The following CTBP1 variants were observed in gnomAD, a reference collection of about 807,000 sequenced individuals.
CTBP1 encodes the protein C-terminal-binding protein 1.
A neutral mutation model predicts 42.1 loss-of-function variants in CTBP1; 11 were observed. That is an observed-to-expected ratio of 0.26 (90% CI 0.16 to 0.43). The LOEUF is 0.43. CTBP1 is among the 20% of genes least tolerant of loss of function. The probability of loss-of-function intolerance (pLI) is 1.00; values close to 1 mark genes in which losing one functional copy is unlikely to be tolerated. For missense variants in CTBP1, 399 were observed against 624.3 expected, an observed-to-expected ratio of 0.64 and a Z score of 3.85; for synonymous variants, 324 against 277.1, an observed-to-expected ratio of 1.17 and a Z score of -1.68.
intron 1 of CTBP1, among the ~76,000 whole-genome samples, chr4:1,247,540 A>AC (rs1732844587): frequency 6.6e-6 from 1 of 151,652 alleles, no homozygotes; most frequent in Admixed American, 6.6e-5. Context: ...AGAAAGGGGG[A>AC]CCCCCAAACC....
intron 1 of CTBP1, among the ~76,000 whole-genome samples, chr4:1,248,493 C>T (rs1038083107): frequency 4.6e-5 from 7 of 150,720 alleles, no homozygotes. Flanking sequence ...GCGCACGGCT[C>T]CCGCCCCATC....
intron 4 of CTBP1, among the ~76,000 whole-genome samples, chr4:1,227,171 T>C (rs1302029788): frequency 5.9e-5 from 9 of 152,060 alleles, no homozygotes; most frequent in Admixed American, 1.3e-4. Context: ...TGCGTGTAGG[T>C]GCACGGGTGC....
upstream of CTBP1, chr4:1,250,205 C>G (rs1008253380): frequency 5.2e-6 from 1 of 193,794 alleles, no homozygotes; most frequent in Non-Finnish European, 1.1e-5. Context: ...CCTGGGCTGC[C>G]CTGAGAAGCC....
intron 4 of CTBP1, among the ~76,000 whole-genome samples, chr4:1,226,139 C>T (rs1202042594): frequency 6.6e-6 from 1 of 152,166 alleles, no homozygotes; most frequent in Non-Finnish European, 1.5e-5. Flanking sequence ...CCCATTTCTC[C>T]CGAGTGGCCA....
chr4:1,220,342 C>A (rs1729602232), intron 5 of CTBP1, among the ~76,000 whole-genome samples: 2 of 150,864 alleles, frequency 1.3e-5, no homozygotes, highest in Admixed American at 6.6e-5. Context: ...ATTACAAATG[C>A]CAAATGCCTA....
chr4:1,242,926 T>G (rs1732326433), intron 1 of CTBP1: 1 of 984,922 alleles, frequency 1.0e-6, no homozygotes, highest in South Asian at 4.7e-5. Context: ...CCGATACTCA[T>G]CAACGCCAGC....
chr4:1,215,023 C>T (rs978178419), intron 6 of CTBP1, among the ~76,000 whole-genome samples: 1 of 152,154 alleles, frequency 6.6e-6, no homozygotes, highest in African/African-American at 2.4e-5. Context: ...TTTCCTGCAG[C>T]CCCCCCATTT....
At chr4:1,214,619 G>C (rs1184401334) in intron 6 of CTBP1, 146 bp from the exon 7 acceptor site, 1 of 1,066,680 alleles carries the variant, frequency 9.4e-7, no homozygotes, top group Admixed American at 3.7e-5. Flanking sequence ...ACGGCGCTAG[G>C]ACTGAAGGCC....
chr4:1,217,937 G>C (rs1407924328), intron 5 of CTBP1: 1 of 152,170 alleles, frequency 6.6e-6, no homozygotes, highest in Non-Finnish European at 1.5e-5. Context: ...GCTTCCGGAA[G>C]ATGAATGGTA....
At chr4:1,234,469 T>C (rs1731278948) in intron 3 of CTBP1, among the ~76,000 whole-genome samples, 1 of 152,192 alleles carries the variant, frequency 6.6e-6, no homozygotes, top group Non-Finnish European at 1.5e-5. Context: ...GTATTTATGT[T>C]GTCCTTTCTC....
chr4:1,212,107 C>T lies in CTBP1; in HGVS notation c.*133G>A. ...GCGACACGAGGCCCAGCGCTGCCCC[C>T]TCCCGCCTCCTGACAGCCCGGACCA... On this transcript the variant is annotated 3_prime_UTR_variant, in exon 10 of 10. Transcript: ENST00000382952. 3 of 725,388 alleles carry T rather than the reference C, an allele frequency of 4.1e-6. No homozygotes were observed. The highest frequency in any genetic ancestry group is 6.1e-6 in the Non-Finnish European group (3 of 494,092). 44.9% of individuals were successfully genotyped at this position (725,388 alleles called of 1,614,324 possible).
chr4:1,244,359 G>GC, intron 1 of CTBP1: 1 of 984,218 alleles, frequency 1.0e-6, no homozygotes, highest in South Asian at 4.7e-5. Flanking sequence ...GGCACTGGGG[G>GC]GGGGGTGTTC....
In CTBP1 at chr4:1,221,887, G is replaced by A. The variant is rs1044142037; in HGVS notation, c.514+3473C>T. The A allele has an allele frequency of 1.6e-4, 62 of 383,124 alleles. 1 individual carries two copies. The highest frequency in any genetic ancestry group is 2.3e-4 in the Non-Finnish European group (45 of 192,840). 23.7% of individuals were successfully genotyped at this position (383,124 alleles called of 1,614,324 possible). A position where few individuals can be genotyped will look rare whatever the true frequency, so the allele number is the denominator to read the frequency against. On this transcript the variant is annotated intron_variant, in intron 5 of 9. Transcript: ENST00000382952. ...AGGAAGGAAGGAAGGGAAGGAGGGA[G>A]GAAAGAAAGAAACAAGAAGGAGATG...
chr4:1,229,765 T>C (rs1730766547), intron 3 of CTBP1, among the ~76,000 whole-genome samples: 2 of 152,150 alleles, frequency 1.3e-5, no homozygotes, highest in African/African-American at 4.8e-5. Context: ...CCCCTTCTCC[T>C]ACAGTGCCCG....
At chr4:1,241,773 C>T (rs1280039663) in intron 1 of CTBP1, 8 of 1,190,792 alleles carry the variant, frequency 6.7e-6, no homozygotes, top group Non-Finnish European at 8.5e-6. Context: ...AGGCCTACTC[C>T]TGGGAACAGT....
Position 1,211,857 on chromosome 4 carries a change from C to T in CTBP1, c.*383G>A, listed in dbSNP as rs569490067. On this transcript the variant is annotated 3_prime_UTR_variant, in exon 10 of 10. Coordinates refer to ENST00000382952, the MANE Select transcript of CTBP1 (RefSeq NM_001012614.2). ...CAACTGCCTCATTCTGGGGCACGTT[C>T]CAACATACAAAAAAAAAAAAAACAA... 6.1e-6 allele frequency: 1 copy of T among 163,992 alleles called. No homozygotes were observed. The highest frequency in any genetic ancestry group is 6.5e-5 in the Admixed American group (1 of 15,460). 10.2% of individuals were successfully genotyped at this position (163,992 alleles called of 1,614,324 possible). A position where few individuals can be genotyped will look rare whatever the true frequency, so the allele number is the denominator to read the frequency against.
intron 1 of CTBP1, chr4:1,248,653 T>A: frequency 4.1e-6 from 4 of 982,380 alleles, no homozygotes; most frequent in Non-Finnish European, 4.8e-6. Flanking sequence ...CAGGCCCTTT[T>A]GTGTCACCTG....
intron 6 of CTBP1, 81 bp from the exon 7 acceptor site, chr4:1,214,554 G>A (rs534739705): frequency 5.8e-5 from 85 of 1,473,776 alleles, no homozygotes; most frequent in East Asian, 2.5e-4. Flanking sequence ...GGTCACGCAC[G>A]CCGTTGGGAA....
At chr4:1,218,697 G>A (rs1348497924) in intron 5 of CTBP1, 2 of 152,206 alleles carry the variant, frequency 1.3e-5, no homozygotes, top group Admixed American at 1.3e-4. Flanking sequence ...CGGGCCTCTG[G>A]CCGCCCTGGA....
Sources: allele counts gnomAD v4.1 joint callset (sites outside exome capture counted in the v4.1 genomes callset), GRCh38; gene constraint gnomAD v4.1.1; transcripts MANE v1.5; gene names NCBI Gene and HGNC (gene_info 2026-07-23, HGNC 2026-07-21).